Variants in PRELID2 observed in about 807,000 individuals in gnomAD.
PRELID2 encodes PRELI domain containing 2.
PRELID2 carries 25 observed loss-of-function variants against 28.4 expected under a neutral mutation model. The observed-to-expected ratio is 0.88, with a 90% confidence interval of 0.64 to 1.23. The LOEUF (loss-of-function observed/expected upper bound fraction) is 1.23. Among genes scored for constraint, PRELID2 ranks in the 50% most tolerant of loss-of-function variants. The probability of loss-of-function intolerance (pLI) is 0.00; values close to 1 mark genes in which losing one functional copy is unlikely to be tolerated. For missense variants in PRELID2, 201 were observed against 214.4 expected (o/e 0.94, Z 0.39); for synonymous variants, 76 against 71.6 (o/e 1.06, Z -0.31).
At chr5:145,493,219 C>A (rs1224352452) in intron 1 of PRELID2, among the ~76,000 whole-genome samples, 2 of 95,722 alleles carry the variant, frequency 2.1e-5, no homozygotes, top group African/African-American at 3.0e-5. Flanking sequence ...CCATCTTGCT[C>A]CCAGATTGTC....
the PRELID2 span, among the ~76,000 whole-genome samples, chr5:145,463,012 T>C: frequency 0.03 from 4,517 of 152,268 alleles, 218 homozygotes; most frequent in African/African-American, 0.1. Flanking sequence ...AATTTTATAG[T>C]AAATAGTAAA....
chr5:145,387,723 G>A, the PRELID2 span, among the ~76,000 whole-genome samples: 2 of 152,000 alleles, frequency 1.3e-5, no homozygotes, highest in Admixed American at 6.6e-5. Context: ...CTTCAGCCCA[G>A]GAATTTCAGA....
At chr5:145,264,044 C>T in the PRELID2 span, among the ~76,000 whole-genome samples, 269 of 152,194 alleles carry the variant, frequency 1.8e-3, no homozygotes, top group Non-Finnish European at 2.9e-3. Flanking sequence ...GGGCGCCCAG[C>T]CTCACAGCTG....
intron 1 of PRELID2, among the ~76,000 whole-genome samples, chr5:145,614,059 C>A (rs147550788): frequency 0.017 from 2,592 of 152,248 alleles, 83 homozygotes; most frequent in African/African-American, 0.058. Flanking sequence ...ATCCCAGCAC[C>A]ATTTGTTGAA....
At chr5:145,395,516 G>A in the PRELID2 span, among the ~76,000 whole-genome samples, 3 of 152,082 alleles carry the variant, frequency 2.0e-5, no homozygotes. Context: ...GAACAAGCCG[G>A]GAGTAGTGCA....
Position 145,741,676 on chromosome 5 carries a change from TTATAAATAATTTATTTATA to T in PRELID2, n.70+23236_70+23254del, listed in dbSNP as rs1158248828. 3.9e-4 allele frequency among the ~76,000 whole-genome samples: 7 copies of T among 17,740 alleles called. 3 individuals are homozygous for T. The highest frequency in any genetic ancestry group is 5.1e-4 in the African/African-American group (2 of 3,954). 11.6% of individuals were successfully genotyped at this position (17,740 alleles called of 152,430 possible). Reference sequence around the variant, plus strand: ...AATAATTTATTTATATATAAATAATTTATAAATAATTTATTTATATATAAATAATTTATTTATATATAAA... The same window carrying T: ...AATAATTTATTTATATATAAATAATTTATAAATAATTTATTTATATATAAA... On this transcript the variant is annotated intron_variant and non_coding_transcript_variant, in intron 1 of 2. Transcript: ENST00000510259.
Position 145,644,223 on chromosome 5 carries a change from T to C in PRELID2, n.70+120708A>G, listed in dbSNP as rs547462394. On this transcript the variant is annotated intron_variant and non_coding_transcript_variant, in intron 1 of 2. Transcript: ENST00000510259. ...ATTGGTCTATTAAGGATTCGACTCC[T>C]TCCTGATTTAGTCTTGGGAGGGTGT... Among the ~76,000 whole-genome samples the C allele has an allele frequency of 1.5e-4, 23 of 152,274 alleles. No homozygotes were observed. The South Asian group carries it at 4.1e-3, about 27-fold the overall frequency.
the PRELID2 span, among the ~76,000 whole-genome samples, chr5:145,351,417 A>G: frequency 6.6e-6 from 1 of 152,160 alleles, no homozygotes; most frequent in Non-Finnish European, 1.5e-5. Flanking sequence ...AGCCCCTTAT[A>G]AAACCATCAG....
At chr5:145,583,211 T>C (rs1049241211) in intron 1 of PRELID2, among the ~76,000 whole-genome samples, 1 of 152,134 alleles carries the variant, frequency 6.6e-6, no homozygotes, top group Admixed American at 6.6e-5. Flanking sequence ...TCTCAATAGA[T>C]GTAGAAAAGT....
intron 1 of PRELID2, among the ~76,000 whole-genome samples, chr5:145,606,527 T>C (rs1753506952): frequency 6.6e-6 from 1 of 152,056 alleles, no homozygotes; most frequent in Non-Finnish European, 1.5e-5. Flanking sequence ...TGAGATAATG[T>C]GGTTTTTGAT....
At chr5:145,473,770 T>G (rs1363122140) in intron 1 of PRELID2, among the ~76,000 whole-genome samples, 1 of 152,188 alleles carries the variant, frequency 6.6e-6, no homozygotes, top group African/African-American at 2.4e-5. Flanking sequence ...TTCCAAGTCA[T>G]GTGACCTTAA....
chr5:145,232,843 A>C, the PRELID2 span, among the ~76,000 whole-genome samples: 1 of 152,204 alleles, frequency 6.6e-6, no homozygotes, highest in South Asian at 2.1e-4. Flanking sequence ...ATGAGTATAA[A>C]ACTAAATGAG....
the PRELID2 span, among the ~76,000 whole-genome samples, chr5:145,313,566 T>C: frequency 6.6e-6 from 1 of 152,152 alleles, no homozygotes; most frequent in Non-Finnish European, 1.5e-5. Flanking sequence ...CCAATGAAAA[T>C]GGCTACTGTG....
the PRELID2 span, among the ~76,000 whole-genome samples, chr5:145,374,379 G>A: frequency 6.6e-6 from 1 of 152,042 alleles, no homozygotes; most frequent in Non-Finnish European, 1.5e-5. Flanking sequence ...TCCCTTTGTA[G>A]GTGACCTGGC....
chr5:145,821,658 G>C (rs930037201), intron 2 of PRELID2, among the ~76,000 whole-genome samples: 1 of 152,190 alleles, frequency 6.6e-6, no homozygotes, highest in East Asian at 1.9e-4. Flanking sequence ...AGAAGCTGTT[G>C]ATAGGGTGCA....
In PRELID2 at chr5:145,740,749, T is replaced by A. The variant is rs1262642153; in HGVS notation, n.70+24182A>T. On this transcript the variant is annotated intron_variant and non_coding_transcript_variant, in intron 1 of 2. Transcript: ENST00000510259. ...CATTAAATATTATATATAAATATATTATATATTTATGTATAAATATATAAT... is the reference window on the plus strand; with the variant it reads ...CATTAAATATTATATATAAATATATAATATATTTATGTATAAATATATAAT... 1.1e-4 allele frequency among the ~76,000 whole-genome samples: 12 copies of A among 109,722 alleles called. No individual in the cohort carries two copies. In the South Asian group the frequency reaches 1.6e-3, roughly 15 times the overall value. The allele number at this position is 109,722 out of a possible 152,430, so 72.0% of individuals were successfully genotyped here. A position where few individuals can be genotyped will look rare whatever the true frequency, so the allele number is the denominator to read the frequency against.
At chr5:145,275,530 G>C in the PRELID2 span, among the ~76,000 whole-genome samples, 1 of 152,096 alleles carries the variant, frequency 6.6e-6, no homozygotes, top group Non-Finnish European at 1.5e-5. Context: ...AGAGATTGCT[G>C]TGTGTTGGAA....
the PRELID2 span, among the ~76,000 whole-genome samples, chr5:145,329,110 C>A: frequency 1.3e-5 from 2 of 151,998 alleles, no homozygotes; most frequent in East Asian, 1.9e-4. Context: ...ATTTCTGAAG[C>A]CTCTGTTCTG....
the PRELID2 span, among the ~76,000 whole-genome samples, chr5:145,297,880 G>C: frequency 1.3e-5 from 2 of 151,972 alleles, no homozygotes; most frequent in African/African-American, 4.8e-5. Context: ...TTGCTTCAAA[G>C]AGAATAAAAT....
Sources: allele counts gnomAD v4.1 joint callset (sites outside exome capture counted in the v4.1 genomes callset), GRCh38; gene constraint gnomAD v4.1.1; transcripts MANE v1.5; gene names NCBI Gene and HGNC (gene_info 2026-07-23, HGNC 2026-07-21).